EFHD1: variants seen among roughly 807,000 people sequenced by gnomAD.
The protein encoded by EFHD1 is EF-hand domain family member D1, also known as EF-hand domain-containing protein D1.
In EFHD1, 10 loss-of-function variants were observed where a neutral mutation model predicts 17.2. That is an observed-to-expected ratio of 0.58 (90% CI 0.36 to 0.99). EFHD1 has a LOEUF of 0.99. Ranked by LOEUF, EFHD1 falls within the 50% of genes least tolerant of loss-of-function variation. The pLI, the probability that EFHD1 is intolerant of heterozygous loss-of-function variation, is 0.01. For missense variants in EFHD1, 310 were observed against 327.5 expected (o/e 0.95, Z 0.41); for synonymous variants, 153 against 142.0 (o/e 1.08, Z -0.55).
At chr2:232,620,387 CAAAAA>C in intron 1 of EFHD1, among the ~76,000 whole-genome samples, 1 of 81,894 alleles carries the variant, frequency 1.2e-5, no homozygotes, top group African/African-American at 4.4e-5. Flanking sequence ...GACTCCATCT[CAAAAA>C]AAAAAAAAAA....
chr2:232,637,717 A>G (rs868404627), intron 1 of EFHD1, among the ~76,000 whole-genome samples: 16 of 152,256 alleles, frequency 1.1e-4, no homozygotes, highest in African/African-American at 3.6e-4. Context: ...CCCTTGCAGT[A>G]TATAACCTGA....
rs1553601954 is a variant in EFHD1 at position 232,680,378 on chromosome 2, G to GAT, written c.586-1204_586-1203dup. Among the ~76,000 whole-genome samples the GAT allele has an allele frequency of 9.0e-3, 1,369 of 151,760 alleles. 19 individuals carry two copies. Among genetic ancestry groups the GAT allele is most frequent in the African/African-American group, 0.03 (1,239 of 41,350 alleles). ...AGAGGATTTTTAGATGGGTTTATCT[G>GAT]ATATTATTGAAGACAAGTTGTTAGA... On this transcript the variant is annotated intron_variant, in intron 3 of 3. Coordinates refer to ENST00000264059, the MANE Select transcript of EFHD1 (RefSeq NM_025202.4).
At chr2:232,616,365 C>G (rs957856759) in intron 1 of EFHD1, among the ~76,000 whole-genome samples, 3 of 151,980 alleles carry the variant, frequency 2.0e-5, no homozygotes, top group Admixed American at 6.6e-5. Context: ...GTGGCACAAT[C>G]TCGGCTCACG....
At chr2:232,653,329 C>T (rs979603534) in intron 1 of EFHD1, among the ~76,000 whole-genome samples, 39 of 152,018 alleles carry the variant, frequency 2.6e-4, no homozygotes, top group Admixed American at 9.8e-4. Context: ...CTCACTCTGT[C>T]GCCCAGGCTG....
chr2:232,607,745 C>A (rs900484463), intron 1 of EFHD1, among the ~76,000 whole-genome samples: 1 of 151,578 alleles, frequency 6.6e-6, no homozygotes, highest in African/African-American at 2.4e-5. Flanking sequence ...CAGAGCAAGA[C>A]CCTATCTCAA....
At chr2:232,638,458 A>T (rs1694360037) in intron 1 of EFHD1, 2 of 471,000 alleles carry the variant, frequency 4.2e-6, no homozygotes, top group Admixed American at 4.7e-5. Flanking sequence ...GTCCCGCGTT[A>T]CCAAGACACC....
chr2:232,662,679 A>G (rs1694895148), intron 1 of EFHD1, 123 bp from the exon 2 acceptor site: 4 of 1,358,298 alleles, frequency 2.9e-6, no homozygotes, highest in East Asian at 2.8e-5. Flanking sequence ...GGTGACCCAC[A>G]TTGGCCTCGC....
intron 3 of EFHD1, among the ~76,000 whole-genome samples, chr2:232,681,309 GA>G (rs1160921870): frequency 1.3e-5 from 2 of 151,392 alleles, no homozygotes; most frequent in Non-Finnish European, 1.5e-5. Context: ...ACTGTATCCT[GA>G]AAAAAAAAGT....
exon 1 of EFHD1, chr2:232,606,087 C>T: frequency 6.6e-7 from 1 of 1,515,898 alleles, no homozygotes; most frequent in African/African-American, 1.4e-5. Flanking sequence ...CCGGCCTTGG[C>T]GGCTGCTTGC....
intron 1 of EFHD1, among the ~76,000 whole-genome samples, chr2:232,657,766 C>G (rs1381617759): frequency 5.4e-5 from 8 of 148,180 alleles, no homozygotes; most frequent in Non-Finnish European, 1.2e-4. Context: ...GAGCTGAGAT[C>G]GCACCACTGC....
At chr2:232,642,372 T>TAA (rs1694447954) in intron 1 of EFHD1, among the ~76,000 whole-genome samples, 1 of 39,596 alleles carries the variant, frequency 2.5e-5, no homozygotes, top group African/African-American at 1.0e-4. Context: ...AGACTCTGTC[T>TAA]CAAAAAAAAA....
At chr2:232,639,355 A>C (rs1251584053) in intron 1 of EFHD1, among the ~76,000 whole-genome samples, 2 of 151,458 alleles carry the variant, frequency 1.3e-5, no homozygotes, top group African/African-American at 4.9e-5. Context: ...GGAGACTTTA[A>C]CTTTTTTTTT....
intron 1 of EFHD1, among the ~76,000 whole-genome samples, chr2:232,613,624 AC>A (rs1693847727): frequency 2.9e-5 from 2 of 69,580 alleles, no homozygotes; most frequent in Admixed American, 2.8e-4. Context: ...ACACACACAC[AC>A]ACACACATAT....
At chr2:232,640,609 G>C (rs1314205436) in intron 1 of EFHD1, among the ~76,000 whole-genome samples, 2 of 152,172 alleles carry the variant, frequency 1.3e-5, no homozygotes, top group African/African-American at 4.8e-5. Context: ...TGGCCCTTGA[G>C]AAGCTCAACA....
In EFHD1 at chr2:232,633,627, T is replaced by G. The variant is rs1694245076; in HGVS notation, c.-78T>G. ...GCGGAGTGTTGTAGAGCCTCGAGCC[T>G]GCGAGGAGCGCGCCGCCCGCCAGCT... On this transcript the variant is annotated 5_prime_UTR_variant, in exon 1 of 4. Coordinates refer to ENST00000264059, the MANE Select transcript of EFHD1 (RefSeq NM_025202.4). 6.7e-6 allele frequency: 9 copies of G among 1,352,246 alleles called. No individual in the cohort carries two copies. In the South Asian group the frequency reaches 1.3e-4, roughly 19 times the overall value. 83.8% of individuals were successfully genotyped at this position (1,352,246 alleles called of 1,614,324 possible).
chr2:232,639,687 G>A (rs894124546), intron 1 of EFHD1, among the ~76,000 whole-genome samples: 1 of 152,080 alleles, frequency 6.6e-6, no homozygotes, highest in South Asian at 2.1e-4. Context: ...CCAAAGATGT[G>A]CCGAATGGCC....
intron 1 of EFHD1, among the ~76,000 whole-genome samples, chr2:232,614,084 T>TGCACACACATTATACACACAG (rs1179788985): frequency 6.7e-6 from 1 of 148,346 alleles, no homozygotes; most frequent in Non-Finnish European, 1.5e-5. Context: ...TATACACACA[T>TGCACACACATTATACACACAG]ATATACACAC....
chr2:232,634,192 G>A (rs1307994570), intron 1 of EFHD1, among the ~76,000 whole-genome samples, 186 bp downstream of exon 1: 1 of 152,120 alleles, frequency 6.6e-6, no homozygotes, highest in South Asian at 2.1e-4. Flanking sequence ...GGGCCGAAGA[G>A]GGGGGACACC....
upstream of EFHD1, among the ~76,000 whole-genome samples, chr2:232,632,460 C>T (rs1262414172): frequency 1.3e-5 from 2 of 152,170 alleles, no homozygotes; most frequent in East Asian, 1.9e-4. Context: ...GGGACAGACC[C>T]GTGTTTACAA....
Sources: allele counts gnomAD v4.1 joint callset (sites outside exome capture counted in the v4.1 genomes callset), GRCh38; gene constraint gnomAD v4.1.1; transcripts MANE v1.5; gene names NCBI Gene and HGNC (gene_info 2026-07-23, HGNC 2026-07-21).